Variants in MEI4 observed in about 807,000 individuals in gnomAD.
MEI4 encodes meiotic double-stranded break formation protein 4, also known as meiosis-specific protein MEI4.
Under a neutral mutation model 31.4 loss-of-function variants are expected in MEI4, and 27 were observed. The observed-to-expected ratio is 0.86, with a 90% CI of 0.63 to 1.19. The LOEUF (loss-of-function observed/expected upper bound fraction) is 1.19, where lower values mean the gene tolerates loss of function less well. Ranked by LOEUF, MEI4 falls within the 50% of genes most tolerant of loss-of-function variation. The pLI, the probability that MEI4 is intolerant of heterozygous loss-of-function variation, is 0.00. For synonymous variants in MEI4, 122 were observed against 145.4 expected (o/e 0.84, Z 1.16); for missense variants, 329 against 398.9 (o/e 0.82, Z 1.49).
intron 4 of MEI4, among the ~76,000 whole-genome samples, chr6:77,829,869 T>G (rs1194374754): frequency 1.3e-5 from 2 of 152,160 alleles, no homozygotes; most frequent in Non-Finnish European, 2.9e-5. Context: ...AACAAAGTAC[T>G]GACATCTAAT....
chr6:77,892,778 T>C (rs1341217917), intron 4 of MEI4, among the ~76,000 whole-genome samples: 2 of 152,102 alleles, frequency 1.3e-5, no homozygotes, highest in African/African-American at 2.4e-5. Flanking sequence ...AGGAATTCAA[T>C]GATGTGGAGA....
chr6:77,926,695 A>G lies in MEI4; in HGVS notation c.*3349A>G. 1 of 151,966 alleles carries G rather than the reference A, an allele frequency of 6.6e-6. No homozygotes were observed. The highest frequency in any genetic ancestry group is 1.9e-4 in the East Asian group (1 of 5,166). 9.4% of individuals were successfully genotyped at this position (151,966 alleles called of 1,614,324 possible). ...GTAACCTAATTTCATTTATTCATCA[A>G]ATATGAAGCACCAATTGTCTACAAA... On this transcript the variant is annotated 3_prime_UTR_variant, in exon 5 of 5. Coordinates refer to ENST00000684080, the MANE Select transcript of MEI4 (RefSeq NM_001322247.2).
chr6:77,849,514 A>T (rs896962450), intron 4 of MEI4, among the ~76,000 whole-genome samples: 1 of 152,186 alleles, frequency 6.6e-6, no homozygotes, highest in African/African-American at 2.4e-5. Context: ...TCCCTTGGAG[A>T]TAACAATTTT....
At chr6:77,753,068 G>T (rs1767820990) in intron 2 of MEI4, among the ~76,000 whole-genome samples, 1 of 152,142 alleles carries the variant, frequency 6.6e-6, no homozygotes, top group African/African-American at 2.4e-5. Context: ...GCTGAAACTG[G>T]ATCTCTTCCT....
chr6:77,877,800 T>C (rs1008487932), intron 4 of MEI4, among the ~76,000 whole-genome samples: 3 of 148,784 alleles, frequency 2.0e-5, no homozygotes, highest in South Asian at 2.1e-4. Context: ...CTCCCTCCCT[T>C]CAAAAAGTTT....
chr6:77,855,491 G>C (rs1770724302), intron 4 of MEI4, among the ~76,000 whole-genome samples: 1 of 152,208 alleles, frequency 6.6e-6, no homozygotes, highest in African/African-American at 2.4e-5. Context: ...CTAAACTCTA[G>C]TGCCTTAATG....
chr6:77,685,588 T>C (rs1562205442), intron 1 of MEI4, among the ~76,000 whole-genome samples: 1 of 152,130 alleles, frequency 6.6e-6, no homozygotes, highest in East Asian at 1.9e-4. Flanking sequence ...TTTTGTTGCC[T>C]GTCCTTCTGT....
At chr6:77,759,108 A>G (rs1230166002) in intron 2 of MEI4, among the ~76,000 whole-genome samples, 2 of 152,134 alleles carry the variant, frequency 1.3e-5, no homozygotes, top group East Asian at 1.9e-4. Flanking sequence ...AGCAATTCCA[A>G]CAGACATTTT....
At chr6:77,667,351 C>T (rs1395507826) in intron 1 of MEI4, among the ~76,000 whole-genome samples, 1 of 152,114 alleles carries the variant, frequency 6.6e-6, no homozygotes. Flanking sequence ...ATGCCTTTTC[C>T]ATTGCCCATA....
intron 2 of MEI4, among the ~76,000 whole-genome samples, chr6:77,745,854 A>C (rs200093155): frequency 5.9e-5 from 9 of 152,296 alleles, no homozygotes; most frequent in Middle Eastern, 3.4e-3. Flanking sequence ...ACTGAACAAC[A>C]TGCTCCTGAA....
intron 3 of MEI4, among the ~76,000 whole-genome samples, chr6:77,806,069 G>C (rs1017878686): frequency 6.6e-6 from 1 of 152,070 alleles, no homozygotes; most frequent in Non-Finnish European, 1.5e-5. Context: ...TGAGGAAAAT[G>C]TATGTCCAAA....
At chr6:77,808,765 G>T (rs1468721317) in intron 3 of MEI4, among the ~76,000 whole-genome samples, 2 of 152,164 alleles carry the variant, frequency 1.3e-5, no homozygotes, top group African/African-American at 4.8e-5. Flanking sequence ...CAAGCCCTTA[G>T]GAAAAGAAAG....
intron 1 of MEI4, among the ~76,000 whole-genome samples, chr6:77,653,923 G>A (rs1768342482): frequency 6.6e-6 from 1 of 152,150 alleles, no homozygotes; most frequent in South Asian, 2.1e-4. Context: ...CATCCTTAAA[G>A]CATCAGGTTT....
In MEI4 at chr6:77,733,839, A is replaced by T. The variant is rs542962349; in HGVS notation, c.233-27291A>T. On this transcript the variant is annotated intron_variant, in intron 2 of 4. Coordinates refer to ENST00000684080, the MANE Select transcript of MEI4 (RefSeq NM_001322247.2). ...TCTGGTATGTTGTATGTTTGTTCTT[A>T]TTGGTTTCAAAGAACATCTTTATTT... Among the ~76,000 whole-genome samples the T allele has an allele frequency of 1.3e-3, 202 of 151,900 alleles. 3 individuals carry two copies. The highest frequency in any genetic ancestry group is 4.3e-3 in the African/African-American group (178 of 41,300).
intron 1 of MEI4, among the ~76,000 whole-genome samples, chr6:77,675,733 A>G (rs528064162): frequency 5.2e-4 from 79 of 152,232 alleles, no homozygotes; most frequent in Admixed American, 1.6e-3. Flanking sequence ...TATAACATCA[A>G]TTTTCACAGA....
At chr6:77,706,774 T>G (rs1766341941) in intron 2 of MEI4, among the ~76,000 whole-genome samples, 2 of 152,146 alleles carry the variant, frequency 1.3e-5, no homozygotes, top group African/African-American at 4.8e-5. Context: ...TCTCCCTCTC[T>G]CTTGCTTCCT....
At chr6:77,753,258 T>G (rs537952715) in intron 2 of MEI4, among the ~76,000 whole-genome samples, 4 of 152,250 alleles carry the variant, frequency 2.6e-5, no homozygotes, top group African/African-American at 9.6e-5. Context: ...AAATGGGATC[T>G]AATTAAACTA....
intron 2 of MEI4, among the ~76,000 whole-genome samples, chr6:77,715,020 G>C (rs923591927): frequency 2.6e-5 from 4 of 152,126 alleles, no homozygotes; most frequent in African/African-American, 9.7e-5. Context: ...TATCACTTGA[G>C]TCCTTTTAGT....
intron 2 of MEI4, among the ~76,000 whole-genome samples, chr6:77,733,122 C>G (rs1767062118): frequency 2.6e-5 from 4 of 151,872 alleles, no homozygotes. Context: ...GCTTTGGTAT[C>G]AAGATGATGC....
Sources: allele counts gnomAD v4.1 joint callset (sites outside exome capture counted in the v4.1 genomes callset), GRCh38; gene constraint gnomAD v4.1.1; transcripts MANE v1.5; gene names NCBI Gene and HGNC (gene_info 2026-07-23, HGNC 2026-07-21).